The following PTK2 variants were observed in gnomAD, a reference collection of about 807,000 sequenced individuals.
PTK2 encodes the protein protein tyrosine kinase 2.
Under a neutral mutation model 150.1 loss-of-function variants are expected in PTK2, and 45 were observed. That is an observed-to-expected ratio of 0.30 (90% CI 0.24 to 0.38). PTK2 has a LOEUF of 0.38. PTK2 is among the 10% of genes least tolerant of loss of function. PTK2 has a pLI of 1.00. For missense variants in PTK2, 919 were observed against 1,307.3 expected, an observed-to-expected ratio of 0.70 and a Z score of 4.58; for synonymous variants, 432 against 449.2, an observed-to-expected ratio of 0.96 and a Z score of 0.48.
intron 11 of PTK2, among the ~76,000 whole-genome samples, chr8:140,803,074 G>C (rs2100096190): frequency 8.4e-6 from 1 of 119,220 alleles, no homozygotes; most frequent in Admixed American, 1.2e-4. Flanking sequence ...GAGTGCAGTT[G>C]TGTCATCTCA....
intron 2 of PTK2, among the ~76,000 whole-genome samples, chr8:140,891,518 G>A (rs1003546205): frequency 6.6e-6 from 1 of 152,188 alleles, no homozygotes; most frequent in Non-Finnish European, 1.5e-5. Flanking sequence ...CACAGATGAA[G>A]ACAGGAAATG....
At chr8:140,677,731 TCA>T (rs894844957) in intron 27 of PTK2, among the ~76,000 whole-genome samples, 28 of 152,254 alleles carry the variant, frequency 1.8e-4, no homozygotes, top group African/African-American at 6.5e-4. Context: ...GCAAAAAGTC[TCA>T]GAGCTTGAAG....
chr8:140,661,171 C>G, intron 31 of PTK2, among the ~76,000 whole-genome samples: 1 of 152,128 alleles, frequency 6.6e-6, no homozygotes, highest in East Asian at 1.9e-4. Context: ...CTTTATTTGG[C>G]AGGACTTGGC....
chr8:140,841,088 G>C (rs939634339), intron 7 of PTK2, among the ~76,000 whole-genome samples: 3 of 152,070 alleles, frequency 2.0e-5, no homozygotes, highest in Non-Finnish European at 2.9e-5. Flanking sequence ...AAAATTAATA[G>C]ACTTATAGGA....
intron 29 of PTK2, chr8:140,670,412 G>GTGCCAC (rs2153119780): frequency 7.6e-6 from 1 of 131,734 alleles, no homozygotes; most frequent in Admixed American, 8.9e-5. Context: ...AGCTGAGATT[G>GTGCCAC]TGCCACTGTA....
At chr8:140,784,681 G>A (rs1340939757) in intron 14 of PTK2, among the ~76,000 whole-genome samples, 1 of 151,990 alleles carries the variant, frequency 6.6e-6, no homozygotes, top group Non-Finnish European at 1.5e-5. Flanking sequence ...AGTTGTACCC[G>A]AGCTCCACAA....
intron 10 of PTK2, among the ~76,000 whole-genome samples, chr8:140,814,179 T>C (rs965603937): frequency 2.6e-5 from 4 of 152,008 alleles, no homozygotes; most frequent in African/African-American, 9.7e-5. Flanking sequence ...ACCAACCCAA[T>C]AAAGCCCAGC....
intron 14 of PTK2, among the ~76,000 whole-genome samples, chr8:140,778,627 T>G (rs1261831752): frequency 4.6e-5 from 7 of 152,222 alleles, no homozygotes; most frequent in Admixed American, 4.6e-4. Context: ...ACGGTTCAGT[T>G]GTGCTACAGC....
At chr8:140,962,879 C>T (rs528116682) in intron 1 of PTK2, among the ~76,000 whole-genome samples, 3 of 151,954 alleles carry the variant, frequency 2.0e-5, no homozygotes, top group Admixed American at 6.5e-5. Context: ...TAGGTCCCCC[C>T]CCCCAACCCA....
intron 23 of PTK2, among the ~76,000 whole-genome samples, chr8:140,709,691 G>C (rs893263032): frequency 1.2e-4 from 19 of 152,204 alleles, no homozygotes; most frequent in African/African-American, 4.1e-4. Context: ...GTCCAAAAGT[G>C]TCAACTGCTG....
intron 7 of PTK2, among the ~76,000 whole-genome samples, chr8:140,844,435 T>C (rs11167003): frequency 1.6e-5 from 2 of 126,572 alleles, no homozygotes; most frequent in African/African-American, 5.2e-5. Flanking sequence ...TGCTCCTTTA[T>C]TTATTTATTC....
At chr8:140,979,667 T>C (rs1303384877) in intron 1 of PTK2, among the ~76,000 whole-genome samples, 1 of 152,218 alleles carries the variant, frequency 6.6e-6, no homozygotes, top group Non-Finnish European at 1.5e-5. Context: ...CCACAATTCC[T>C]ATGTGTTGTG....
At chr8:140,785,362 T>C (rs1359928234) in intron 14 of PTK2, among the ~76,000 whole-genome samples, 1 of 152,218 alleles carries the variant, frequency 6.6e-6, no homozygotes, top group Non-Finnish European at 1.5e-5. Context: ...AAACAGAACA[T>C]GTCTTTACAT....
intron 17 of PTK2, 22 bp downstream of exon 20, chr8:140,752,208 CCA>C (rs775543733): frequency 2.7e-5 from 43 of 1,578,304 alleles, no homozygotes; most frequent in South Asian, 1.9e-4. Context: ...AAATGGAGTT[CCA>C]CAGAAATTTC....
chr8:140,890,371 G>A lies in PTK2; in HGVS notation c.195+172C>T, dbSNP rs959928473. The A allele has an allele frequency of 1.1e-4, 58 of 510,604 alleles. No individual in the cohort carries two copies. The Admixed American group carries it at 2.0e-3, about 18-fold the overall frequency. 31.6% of individuals were successfully genotyped at this position (510,604 alleles called of 1,614,324 possible). On this transcript the variant is annotated intron_variant, in intron 3 of 31. Transcript: ENST00000522684. ...TAAGAAACTTTACAACAATTAGAAC[G>A]CTGGTCAGTCACATATTAACTAATA...
intron 10 of PTK2, among the ~76,000 whole-genome samples, chr8:140,809,066 C>G (rs951305625): frequency 6.6e-6 from 1 of 151,808 alleles, no homozygotes; most frequent in African/African-American, 2.4e-5. Context: ...TACAGAAATA[C>G]AATGGAAAGA....
chr8:140,807,388 T>C (rs1486058616), intron 10 of PTK2, among the ~76,000 whole-genome samples: 1 of 152,216 alleles, frequency 6.6e-6, no homozygotes, highest in African/African-American at 2.4e-5. Flanking sequence ...TCAGATACAG[T>C]ACTGCACCAG....
At chr8:140,895,388 GGT>G (rs990220350) in intron 2 of PTK2, among the ~76,000 whole-genome samples, 2 of 152,140 alleles carry the variant, frequency 1.3e-5, no homozygotes, top group African/African-American at 4.8e-5. Flanking sequence ...TGGGCATGGT[GGT>G]GTGTGCCTGT....
At chr8:140,919,391 C>T (rs2100166541) in intron 2 of PTK2, among the ~76,000 whole-genome samples, 1 of 152,200 alleles carries the variant, frequency 6.6e-6, no homozygotes, top group Admixed American at 6.5e-5. Flanking sequence ...ACACTATAAT[C>T]TCTTTTCTTC....
Sources: gnomAD v4.1 joint callset for allele counts (sites outside exome capture counted in the v4.1 genomes callset) on GRCh38, gnomAD v4.1.1 for gene constraint, MANE v1.5 for transcripts, NCBI Gene and HGNC (gene_info 2026-07-23, HGNC 2026-07-21) for gene names.